The following PELI2 variants were observed in gnomAD, a reference collection of about 807,000 sequenced individuals.
PELI2 encodes the protein E3 ubiquitin-protein ligase pellino homolog 2.
A neutral mutation model predicts 42.3 loss-of-function variants in PELI2; 23 were observed. The ratio of observed to expected loss-of-function variants is 0.54; its 90% CI spans 0.39 to 0.77. PELI2 has a LOEUF of 0.77. Ranked by LOEUF, PELI2 falls within the 30% of genes least tolerant of loss-of-function variation. The pLI, the probability that PELI2 is intolerant of heterozygous loss-of-function variation, is 0.00. For synonymous variants in PELI2, 245 were observed against 212.2 expected (o/e 1.15, Z -1.34); for missense variants, 463 against 553.2 (o/e 0.84, Z 1.64).
At chr14:56,268,710 C>T (rs1888994592) in intron 2 of PELI2, among the ~76,000 whole-genome samples, 1 of 152,148 alleles carries the variant, frequency 6.6e-6, no homozygotes, top group South Asian at 2.1e-4. Flanking sequence ...CCCTCCCTAC[C>T]TTTCTCTAGG....
In PELI2 at chr14:56,197,916, G is replaced by GAC. The variant is rs55861626; in HGVS notation, c.207+19483_207+19484dup. On this transcript the variant is annotated intron_variant, in intron 2 of 5. Coordinates refer to ENST00000267460, the MANE Select transcript of PELI2 (RefSeq NM_021255.3). This position sits in a 1 kb window ranked among gnomAD's most constrained non-coding sequence, Gnocchi z 4.9. ...CACACCAGGAATGGTGACTGGTGAA[G>GAC]ACACACACACACACACACACACACA... Among the ~76,000 whole-genome samples, 516 of 138,246 alleles carry GAC rather than the reference G, an allele frequency of 3.7e-3. 4 individuals are homozygous for GAC. The highest frequency in any genetic ancestry group is 5.6e-3 in the South Asian group (23 of 4,126). The allele number at this position is 138,246 out of a possible 152,430, so 90.7% of individuals were successfully genotyped here.
At chr14:56,120,145 T>C (rs1883008577) in intron 1 of PELI2, among the ~76,000 whole-genome samples, 1 of 152,164 alleles carries the variant, frequency 6.6e-6, no homozygotes, top group South Asian at 2.1e-4. Flanking sequence ...TTAATTGCAC[T>C]TCAAAGACAA....
At chr14:56,268,353 T>G (rs901435028) in intron 2 of PELI2, among the ~76,000 whole-genome samples, 14 of 152,194 alleles carry the variant, frequency 9.2e-5, no homozygotes, top group Non-Finnish European at 4.4e-5. Context: ...TTTAGAGAAG[T>G]AAATGTAGGA....
At chr14:56,213,496 G>GA (rs1886784146) in intron 2 of PELI2, among the ~76,000 whole-genome samples, 1 of 152,216 alleles carries the variant, frequency 6.6e-6, no homozygotes, top group Non-Finnish European at 1.5e-5. Context: ...GAAAGAGGGA[G>GA]AGGGACAAAG....
chr14:56,223,883 C>T (rs541239665), intron 2 of PELI2, among the ~76,000 whole-genome samples: 2 of 152,196 alleles, frequency 1.3e-5, no homozygotes, highest in South Asian at 2.1e-4. Flanking sequence ...TTTACCAGTT[C>T]GTGTCATATA....
intron 2 of PELI2, among the ~76,000 whole-genome samples, chr14:56,229,152 T>C (rs565124521): frequency 1.3e-5 from 2 of 152,336 alleles, no homozygotes; most frequent in East Asian, 3.9e-4. Context: ...CTCTGTAGAC[T>C]CCACCTGTGG....
At chr14:56,202,912 A>G (rs1426820651) in intron 2 of PELI2, among the ~76,000 whole-genome samples, 1 of 152,200 alleles carries the variant, frequency 6.6e-6, no homozygotes, top group African/African-American at 2.4e-5. Context: ...AATAAAAGGC[A>G]GGGAAGTTGC....
intron 2 of PELI2, among the ~76,000 whole-genome samples, chr14:56,243,359 C>A (rs570170810): frequency 6.6e-6 from 1 of 152,210 alleles, no homozygotes; most frequent in South Asian, 2.1e-4. Flanking sequence ...CAGTGAGGCC[C>A]CTGATGGAGC....
At chr14:56,199,025 T>G (rs1886238373) in intron 2 of PELI2, among the ~76,000 whole-genome samples, 1 of 152,246 alleles carries the variant, frequency 6.6e-6, no homozygotes, top group Admixed American at 6.5e-5. Context: ...TACTCATATT[T>G]TCAAAGAGCC....
intron 5 of PELI2, among the ~76,000 whole-genome samples, chr14:56,296,045 T>C (rs1442727911): frequency 6.6e-6 from 1 of 152,258 alleles, no homozygotes; most frequent in East Asian, 1.9e-4. Context: ...CTTCTAAAAA[T>C]GAAGGCTCAT....
At chr14:56,194,484 G>A (rs546798676) in intron 2 of PELI2, among the ~76,000 whole-genome samples, 1 of 152,310 alleles carries the variant, frequency 6.6e-6, no homozygotes, top group Admixed American at 6.5e-5. Flanking sequence ...CCCTAGCATG[G>A]ACATTTGCAG....
chr14:56,198,831 A>G (rs1214950613), intron 2 of PELI2, among the ~76,000 whole-genome samples: 2 of 152,192 alleles, frequency 1.3e-5, no homozygotes, highest in Non-Finnish European at 2.9e-5. Flanking sequence ...TTTTCTATCT[A>G]TTCATTGGTC....
intron 2 of PELI2, among the ~76,000 whole-genome samples, chr14:56,237,667 T>A (rs1019553091): frequency 1.3e-5 from 2 of 150,774 alleles, no homozygotes; most frequent in Non-Finnish European, 2.9e-5. Flanking sequence ...TCATAATTGC[T>A]GGTTATTTCC....
chr14:56,123,367 A>G (rs1376102867), intron 1 of PELI2, among the ~76,000 whole-genome samples: 8 of 152,332 alleles, frequency 5.3e-5, no homozygotes, highest in South Asian at 4.1e-4. Context: ...AGTATCTTTT[A>G]TAGACTAAAA....
At chr14:56,276,661 T>C (rs1889301686) in intron 2 of PELI2, among the ~76,000 whole-genome samples, 1 of 152,192 alleles carries the variant, frequency 6.6e-6, no homozygotes, top group Admixed American at 6.5e-5. Context: ...GGGATTTGTT[T>C]CTGCCTGCAG....
At chr14:56,291,309 G>C (rs1426411756) in intron 5 of PELI2, among the ~76,000 whole-genome samples, 1 of 152,182 alleles carries the variant, frequency 6.6e-6, no homozygotes, top group Non-Finnish European at 1.5e-5. Flanking sequence ...CCTAGCACTT[G>C]TCAGAGAGAA....
chr14:56,210,452 C>A (rs1886674373), intron 2 of PELI2, among the ~76,000 whole-genome samples: 1 of 151,392 alleles, frequency 6.6e-6, no homozygotes, highest in African/African-American at 2.4e-5. Context: ...CAACTATGTA[C>A]TTGTATTTCT....
At chr14:56,190,722 G>A (rs561244599) in intron 2 of PELI2, among the ~76,000 whole-genome samples, 87 of 152,254 alleles carry the variant, frequency 5.7e-4, no homozygotes, top group African/African-American at 2.0e-3. Context: ...ATATTCCATT[G>A]TGTGAATATT....
At chr14:56,189,531 A>C (rs2139685284) in intron 2 of PELI2, among the ~76,000 whole-genome samples, 1 of 152,340 alleles carries the variant, frequency 6.6e-6, no homozygotes, top group Admixed American at 6.5e-5. Context: ...GTCTGCCTCC[A>C]GCTAGTGACT....
Sources: gnomAD v4.1 joint callset for allele counts (sites outside exome capture counted in the v4.1 genomes callset) on GRCh38, gnomAD v4.1.1 for gene constraint, Gnocchi (gnomAD v3.1) non-coding constraint, MANE v1.5 for transcripts, NCBI Gene and HGNC (gene_info 2026-07-23, HGNC 2026-07-21) for gene names.